Variants in XKR4 observed in about 807,000 individuals in gnomAD.
XKR4 encodes XK-related protein 4.
A neutral mutation model predicts 53.9 loss-of-function variants in XKR4; 12 were observed. That is an observed-to-expected ratio of 0.22 (90% CI 0.14 to 0.36). The LOEUF (loss-of-function observed/expected upper bound fraction) is 0.36, where lower values mean the gene tolerates loss of function less well. XKR4 is among the 10% of genes least tolerant of loss of function. XKR4 has a pLI of 1.00. For synonymous variants in XKR4, 354 were observed against 362.4 expected (o/e 0.98, Z 0.26); for missense variants, 799 against 859.5 (o/e 0.93, Z 0.88).
intron 2 of XKR4, among the ~76,000 whole-genome samples, chr8:55,479,293 A>T (rs1293237961): frequency 3.9e-5 from 6 of 152,128 alleles, no homozygotes; most frequent in Non-Finnish European, 8.8e-5. Flanking sequence ...CTGCTCCTGA[A>T]TGACTTCTGG....
chr8:55,131,785 G>A (rs977240835), intron 1 of XKR4, among the ~76,000 whole-genome samples: 4 of 150,910 alleles, frequency 2.7e-5, no homozygotes, highest in African/African-American at 9.8e-5. Context: ...TTGCTCTACC[G>A]TCCAGGCTGG....
intron 1 of XKR4, among the ~76,000 whole-genome samples, chr8:55,243,040 G>C (rs886208487): frequency 6.6e-6 from 1 of 152,018 alleles, no homozygotes; most frequent in African/African-American, 2.4e-5. Flanking sequence ...TTATTTTTTA[G>C]AGCAGTTTTA....
rs1816072621 is a variant in XKR4, at chr8:55,102,937, T to C, written c.449T>C (p.Phe150Ser). ...GQRWWFGLTL[F>S]FVVLGSLSVQ... ...CGCTGGTGGTTCGGGCTCACGCTCT[T>C]CTTCGTGGTGCTCGGCTCTCTGTCG... Residue 150 changes from phenylalanine to serine, a missense_variant, in exon 1 of 3, where the codon TTC (phenylalanine) becomes TCC (serine). Around this residue, in one of 3 missense-constraint regions of XKR4, gnomAD observed 476 missense variants for 505.4 expected, o/e 0.94. Transcript: ENST00000327381. This position sits in a 1 kb window ranked among gnomAD's most constrained non-coding sequence, Gnocchi z 5.1. The C allele has an allele frequency of 1.9e-6, 3 of 1,611,766 alleles. No homozygotes were observed. Among genetic ancestry groups the C allele is most frequent in the Non-Finnish European group, 2.5e-6 (3 of 1,179,864 alleles).
intron 2 of XKR4, among the ~76,000 whole-genome samples, chr8:55,395,292 G>C (rs1028482918): frequency 6.6e-6 from 1 of 152,030 alleles, no homozygotes; most frequent in African/African-American, 2.4e-5. Flanking sequence ...AGCTCAAGTT[G>C]ATTGGATCGG....
intron 2 of XKR4, among the ~76,000 whole-genome samples, chr8:55,397,828 C>T (rs1476674460): frequency 6.6e-6 from 1 of 152,108 alleles, no homozygotes. Flanking sequence ...TGATTCAGAC[C>T]TTAGCAGATT....
At chr8:55,127,565 C>CT (rs35320407) in intron 1 of XKR4, among the ~76,000 whole-genome samples, 367 of 145,350 alleles carry the variant, frequency 2.5e-3, no homozygotes, top group South Asian at 4.4e-3. Context: ...GTGCCTAACT[C>CT]TTTTTTTTTT....
intron 2 of XKR4, among the ~76,000 whole-genome samples, chr8:55,358,462 G>A (rs940094098): frequency 2.6e-5 from 4 of 152,202 alleles, no homozygotes; most frequent in East Asian, 1.9e-4. Context: ...TTTATAAAAC[G>A]GATATTATTA....
At chr8:55,404,559 C>G (rs1464600083) in intron 2 of XKR4, among the ~76,000 whole-genome samples, 1 of 152,226 alleles carries the variant, frequency 6.6e-6, no homozygotes, top group Non-Finnish European at 1.5e-5. Context: ...TCCATGCTCA[C>G]TACAGAAAGA....
At chr8:55,515,983 C>G (rs1433512997) in intron 2 of XKR4, among the ~76,000 whole-genome samples, 1 of 152,178 alleles carries the variant, frequency 6.6e-6, no homozygotes, top group East Asian at 1.9e-4. Context: ...GCTTTGGAAG[C>G]AGGACTTCTG....
At chr8:55,150,473 G>A (rs1342732427) in intron 1 of XKR4, among the ~76,000 whole-genome samples, 1 of 152,194 alleles carries the variant, frequency 6.6e-6, no homozygotes, top group Non-Finnish European at 1.5e-5. Context: ...ATTATAGTAT[G>A]GTTCTTGTAA....
chr8:55,150,574 C>T (rs1367594334), intron 1 of XKR4, among the ~76,000 whole-genome samples: 3 of 152,204 alleles, frequency 2.0e-5, no homozygotes, highest in African/African-American at 7.2e-5. Flanking sequence ...GGGCCCTCTG[C>T]TCCCTATAAC....
rs143915388 is a variant in XKR4 at position 55,238,372 on chromosome 8, C to T, written c.807-119306C>T. ...GTGGATCATCATAAAGGTGTTCATC[C>T]TTATCCTCTTGTTTGAGTAGGCTGA... On this transcript the variant is annotated intron_variant, in intron 1 of 2. Transcript: ENST00000327381. Among the ~76,000 whole-genome samples, 40 of 152,280 alleles carry T rather than the reference C, an allele frequency of 2.6e-4. No individual in the cohort carries two copies. In the East Asian group the frequency reaches 7.3e-3, roughly 28 times the overall value.
At position 55,102,965 on chromosome 8, in the gene XKR4, G is replaced by GC; in HGVS notation, c.478dup (p.Gln160ProfsTer59). 6.2e-7 allele frequency: 1 copy of GC among 1,611,544 alleles called. No individual in the cohort carries two copies. Among genetic ancestry groups the GC allele is most frequent in the Non-Finnish European group, 8.5e-7 (1 of 1,179,862 alleles). On this transcript the variant is annotated frameshift_variant, in exon 1 of 3. Coordinates refer to ENST00000327381, the MANE Select transcript of XKR4 (RefSeq NM_052898.2). LOFTEE classifies it high-confidence loss of function. This position sits in a 1 kb window ranked among gnomAD's most constrained non-coding sequence, Gnocchi z 5.1. The stretch of plus-strand genomic sequence containing the variant: ...TCGTGGTGCTCGGCTCTCTGTCGGT[G>GC]CAAGTGTTCAGCTTCCGCTGGTTTG...
At chr8:55,217,126 C>T (rs1817812454) in intron 1 of XKR4, among the ~76,000 whole-genome samples, 1 of 151,292 alleles carries the variant, frequency 6.6e-6, no homozygotes, top group African/African-American at 2.4e-5. Context: ...CCTGTAGTCC[C>T]AGCTACTCGG....
At chr8:55,234,807 G>A (rs977622687) in intron 1 of XKR4, among the ~76,000 whole-genome samples, 32 of 152,152 alleles carry the variant, frequency 2.1e-4, no homozygotes, top group African/African-American at 7.5e-4. Flanking sequence ...CAGGTGTGAG[G>A]CTCTAGGGAA....
At chr8:55,439,257 T>C (rs1243877011) in intron 2 of XKR4, among the ~76,000 whole-genome samples, 1 of 151,956 alleles carries the variant, frequency 6.6e-6, no homozygotes, top group Non-Finnish European at 1.5e-5. Context: ...CAAATACTCT[T>C]TGAAAAATGC....
At chr8:55,413,851 A>G (rs139547176) in intron 2 of XKR4, among the ~76,000 whole-genome samples, 32 of 152,348 alleles carry the variant, frequency 2.1e-4, no homozygotes, top group African/African-American at 7.0e-4. Flanking sequence ...GTAGTAAGGA[A>G]CAAGAGTATA....
chr8:55,343,342 T>C (rs1443278654), intron 1 of XKR4, among the ~76,000 whole-genome samples: 1 of 152,184 alleles, frequency 6.6e-6, no homozygotes, highest in Admixed American at 6.5e-5. Context: ...CTCATCTTCA[T>C]GAGCTGCTCT....
chr8:55,377,188 T>C (rs1804164219), intron 2 of XKR4, among the ~76,000 whole-genome samples: 1 of 152,206 alleles, frequency 6.6e-6, no homozygotes, highest in African/African-American at 2.4e-5. Flanking sequence ...AAAAAACCCT[T>C]GCTGGAAATC....
Sources: gnomAD v4.1 joint callset for allele counts (sites outside exome capture counted in the v4.1 genomes callset) on GRCh38, gnomAD v4.1.1 for gene constraint, gnomAD v4.1.1 regional missense constraint, Gnocchi (gnomAD v3.1) non-coding constraint, MANE v1.5 for transcripts, NCBI Gene and HGNC (gene_info 2026-07-23, HGNC 2026-07-21) for gene names.